Variants in SLC8A1 observed in about 807,000 individuals in gnomAD.
The protein encoded by SLC8A1 is sodium/calcium exchanger 1.
SLC8A1 carries 18 observed loss-of-function variants against 68.3 expected under a neutral mutation model. The ratio of observed to expected loss-of-function variants is 0.26; its 90% CI spans 0.18 to 0.39. SLC8A1 has a LOEUF of 0.39. SLC8A1 is among the 10% of genes least tolerant of loss of function. The pLI is 1.00. For synonymous variants in SLC8A1, 475 were observed against 415.5 expected (o/e 1.14, Z -1.74); for missense variants, 985 against 1,156.7 (o/e 0.85, Z 2.15).
intron 6 of SLC8A1, among the ~76,000 whole-genome samples, chr2:40,151,502 T>C (rs1052671826): frequency 2.0e-5 from 3 of 152,054 alleles, no homozygotes; most frequent in Non-Finnish European, 4.4e-5. Flanking sequence ...TTGTTGTTGT[T>C]TTTTTTTATT....
intron 7 of SLC8A1, among the ~76,000 whole-genome samples, chr2:40,120,344 C>T (rs898534449): frequency 6.6e-6 from 1 of 152,126 alleles, no homozygotes; most frequent in African/African-American, 2.4e-5. Flanking sequence ...TTGACGTATT[C>T]GTTCACTGAC....
At chr2:40,194,899 A>G (rs1249712121) in intron 2 of SLC8A1, among the ~76,000 whole-genome samples, 5 of 152,142 alleles carry the variant, frequency 3.3e-5, no homozygotes, top group African/African-American at 1.2e-4. Context: ...TGGAAGGTCC[A>G]TTCCGAAGAA....
intron 2 of SLC8A1, among the ~76,000 whole-genome samples, chr2:40,198,325 C>G (rs2053484002): frequency 2.0e-5 from 3 of 151,874 alleles, no homozygotes. Flanking sequence ...ACTGGACATT[C>G]TTACATGGAA....
chr2:40,132,402 C>T (rs2039561438), intron 7 of SLC8A1, among the ~76,000 whole-genome samples: 4 of 151,844 alleles, frequency 2.6e-5, no homozygotes, highest in Non-Finnish European at 5.9e-5. Context: ...TTAGACAGGG[C>T]CACTGGAGTT....
exon 8 of SLC8A1, chr2:40,110,480 C>A (rs1238130083): frequency 6.6e-6 from 1 of 152,150 alleles, no homozygotes; most frequent in Admixed American, 6.5e-5. Flanking sequence ...TAGCATGTTT[C>A]TTTTTCTGAA....
rs543629525 is a variant in SLC8A1 at position 40,267,299 on chromosome 2, G to C, written c.1809-89444C>G. Among the ~76,000 whole-genome samples, 12 of 152,304 alleles carry C rather than the reference G, an allele frequency of 7.9e-5. No homozygotes were observed. In the East Asian group the frequency reaches 1.3e-3, roughly 17 times the overall value. On this transcript the variant is annotated intron_variant, in intron 2 of 7. Coordinates refer to ENST00000406785, the Ensembl canonical transcript of SLC8A1. ...CCTTATCATTTATAAGTAACACAGG[G>C]ACCTGTGCTGGGAAAATATGGACCA... is the stretch of plus-strand genomic sequence containing the variant.
intron 2 of SLC8A1, among the ~76,000 whole-genome samples, chr2:40,366,881 C>T (rs1217558619): frequency 6.6e-6 from 1 of 151,986 alleles, no homozygotes; most frequent in Non-Finnish European, 1.5e-5. Context: ...GCAGCAATCC[C>T]ATGGCAGCAA....
intron 1 of SLC8A1, among the ~76,000 whole-genome samples, chr2:40,443,275 A>T (rs1274840785): frequency 6.6e-6 from 1 of 152,346 alleles, no homozygotes; most frequent in East Asian, 1.9e-4. Context: ...GTAAAAAAAG[A>T]AATCCATAAT....
intron 2 of SLC8A1, among the ~76,000 whole-genome samples, chr2:40,236,836 ATT>A (rs1407500970): frequency 1.3e-5 from 2 of 150,418 alleles, no homozygotes; most frequent in African/African-American, 2.4e-5. Context: ...TCTGTAAAGT[ATT>A]TTATTTCTCC....
chr2:40,264,350 G>A (rs1007451519), intron 2 of SLC8A1, among the ~76,000 whole-genome samples: 1 of 152,186 alleles, frequency 6.6e-6, no homozygotes, highest in East Asian at 1.9e-4. Context: ...CCGTTACTGG[G>A]TATATACCCA....
chr2:40,242,298 T>C (rs1280386774), intron 2 of SLC8A1, among the ~76,000 whole-genome samples: 1 of 152,218 alleles, frequency 6.6e-6, no homozygotes, highest in African/African-American at 2.4e-5. Flanking sequence ...AATGTAATTT[T>C]GGAAAACAAA....
At chr2:40,117,597 C>T (rs1451723317) in intron 7 of SLC8A1, among the ~76,000 whole-genome samples, 2 of 151,400 alleles carry the variant, frequency 1.3e-5, no homozygotes, top group African/African-American at 4.9e-5. Flanking sequence ...AAAGTCCTTT[C>T]AGCTACCTTG....
intron 2 of SLC8A1, among the ~76,000 whole-genome samples, chr2:40,240,593 G>A (rs908502159): frequency 3.9e-5 from 6 of 152,190 alleles, no homozygotes; most frequent in African/African-American, 1.2e-4. Flanking sequence ...GTGCATTTAT[G>A]AACACTTTTT....
intron 2 of SLC8A1, among the ~76,000 whole-genome samples, chr2:40,402,400 T>C (rs2041759): frequency 0.77 from 117,837 of 152,142 alleles, 45,756 homozygotes; most frequent in African/African-American, 0.81. Context: ...ACTGTAAGTA[T>C]AATCAGTTGA....
intron 4 of SLC8A1, among the ~76,000 whole-genome samples, chr2:40,169,476 T>C (rs2047087237): frequency 6.6e-6 from 1 of 152,122 alleles, no homozygotes; most frequent in Non-Finnish European, 1.5e-5. Flanking sequence ...GCTCTAAACC[T>C]GTATTAGATC....
intron 2 of SLC8A1, among the ~76,000 whole-genome samples, chr2:40,235,796 T>A (rs2060283736): frequency 6.7e-6 from 1 of 149,836 alleles, no homozygotes; most frequent in African/African-American, 2.5e-5. Flanking sequence ...TCTGGTATGT[T>A]GTGTCTTTGT....
intron 2 of SLC8A1, among the ~76,000 whole-genome samples, chr2:40,185,490 A>AC (rs1332799875): frequency 6.4e-4 from 98 of 152,316 alleles, no homozygotes; most frequent in African/African-American, 2.3e-3. Context: ...ACCCAGACAC[A>AC]AATGGCTACA....
At chr2:40,144,694 G>A (rs747787478) in intron 6 of SLC8A1, among the ~76,000 whole-genome samples, 8 of 151,940 alleles carry the variant, frequency 5.3e-5, no homozygotes, top group African/African-American at 9.7e-5. Flanking sequence ...CTCTTTCTCA[G>A]ACCCGTGGGG....
chr2:40,448,381 A>G (rs1343290865), intron 1 of SLC8A1, among the ~76,000 whole-genome samples: 3 of 152,168 alleles, frequency 2.0e-5, no homozygotes, highest in Non-Finnish European at 4.4e-5. Context: ...CCTGAATCCA[A>G]ATCTGAATCT....
Sources: allele counts gnomAD v4.1 joint callset (sites outside exome capture counted in the v4.1 genomes callset), GRCh38; gene constraint gnomAD v4.1.1; transcripts MANE v1.5; gene names NCBI Gene and HGNC (gene_info 2026-07-23, HGNC 2026-07-21).